The following PHF11 variants were observed in gnomAD, a reference collection of about 807,000 sequenced individuals.
The protein encoded by PHF11 is BRCA1 C-terminus-associated protein.
Under a neutral mutation model 40.5 loss-of-function variants are expected in PHF11, and 38 were observed. The ratio of observed to expected loss-of-function variants is 0.94; its 90% confidence interval spans 0.72 to 1.23. PHF11 has a LOEUF of 1.23. Among genes scored for constraint, PHF11 ranks in the 50% most tolerant of loss-of-function variants. The pLI is 0.00. For synonymous variants in PHF11, 127 were observed against 138.2 expected (o/e 0.92, Z 0.57); for missense variants, 369 against 392.4 (o/e 0.94, Z 0.50).
chr13:49,497,949 A>T (rs1346626019), intron 1 of PHF11, among the ~76,000 whole-genome samples: 1 of 151,486 alleles, frequency 6.6e-6, no homozygotes, highest in Non-Finnish European at 1.5e-5. Flanking sequence ...TCTTCCCTCA[A>T]CCTTGCCTGC....
intron 3 of PHF11, 43 bp downstream of exon 3, chr13:49,513,209 C>T: frequency 1.1e-6 from 1 of 930,628 alleles, no homozygotes; most frequent in Non-Finnish European, 1.7e-6. Context: ...ATGAACAGAC[C>T]CTCAAGGAAT....
intron 3 of PHF11, among the ~76,000 whole-genome samples, chr13:49,515,499 C>T (rs866559718): frequency 3.4e-5 from 4 of 117,628 alleles, no homozygotes; most frequent in Admixed American, 1.8e-4. Flanking sequence ...CACACACACA[C>T]ACACATTCTC....
intron 6 of PHF11, among the ~76,000 whole-genome samples, chr13:49,522,518 T>C (rs1053212318): frequency 6.6e-5 from 10 of 152,080 alleles, no homozygotes; most frequent in Non-Finnish European, 1.5e-5. Flanking sequence ...ATTTCCCAGC[T>C]GCATGACCCA....
At chr13:49,496,533 G>C (rs917099858) in intron 1 of PHF11, 18 of 770,308 alleles carry the variant, frequency 2.3e-5, no homozygotes, top group Non-Finnish European at 2.8e-5. Flanking sequence ...CGTTCACGGA[G>C]GACGTGACTG....
intron 8 of PHF11, 26 bp from the exon 9 acceptor site, chr13:49,526,361 T>C (rs1422917968): frequency 6.7e-7 from 1 of 1,484,868 alleles, no homozygotes; most frequent in Admixed American, 1.7e-5. Flanking sequence ...AACTGTTTAA[T>C]ATTGAAAATG....
intron 7 of PHF11, chr13:49,523,779 C>T (rs372426600): frequency 4.6e-6 from 1 of 217,524 alleles, no homozygotes. Context: ...CACCTGTTCC[C>T]CAAAAGGTAT....
intron 1 of PHF11, among the ~76,000 whole-genome samples, chr13:49,503,310 C>T (rs9562886): frequency 0.036 from 5,475 of 152,240 alleles, 290 homozygotes; most frequent in East Asian, 0.18. Context: ...CTCCTTCCCA[C>T]GAGGAGCACT....
At chr13:49,512,551 T>C (rs983616928) in intron 2 of PHF11, among the ~76,000 whole-genome samples, 1 of 152,212 alleles carries the variant, frequency 6.6e-6, no homozygotes, top group Non-Finnish European at 1.5e-5. Flanking sequence ...AAGTAGCACA[T>C]AGAGACTTGA....
chr13:49,515,765 G>A (rs773789351), intron 3 of PHF11, among the ~76,000 whole-genome samples: 4 of 151,998 alleles, frequency 2.6e-5, no homozygotes, highest in East Asian at 3.9e-4. Flanking sequence ...ACCCCAGCCC[G>A]TAGTTCTCCA....
chr13:49,515,497 C>CACAT (rs1424957109), intron 3 of PHF11, among the ~76,000 whole-genome samples: 3 of 123,466 alleles, frequency 2.4e-5, no homozygotes, highest in Non-Finnish European at 5.2e-5. Flanking sequence ...CACACACACA[C>CACAT]ACACACATTC....
intron 2 of PHF11, 50 bp from the exon 3 acceptor site, chr13:49,513,009 C>T (rs1566191418): frequency 1.1e-6 from 1 of 879,048 alleles, no homozygotes; most frequent in East Asian, 2.6e-5. Flanking sequence ...TGACATGTAG[C>T]TTTCAATATT....
intron 8 of PHF11, among the ~76,000 whole-genome samples, chr13:49,524,528 G>A (rs1368190626): frequency 6.7e-6 from 1 of 150,256 alleles, no homozygotes; most frequent in African/African-American, 2.5e-5. Flanking sequence ...AGGCTAGAGT[G>A]CAGTGGTGCG....
At chr13:49,513,974 C>T (rs1217174636) in intron 3 of PHF11, among the ~76,000 whole-genome samples, 1 of 152,152 alleles carries the variant, frequency 6.6e-6, no homozygotes, top group African/African-American at 2.4e-5. Flanking sequence ...ATGGAATAAG[C>T]CCCCTTCTGA....
chr13:49,522,909 C>T (rs911223108), intron 6 of PHF11, among the ~76,000 whole-genome samples: 4 of 151,938 alleles, frequency 2.6e-5, no homozygotes, highest in Middle Eastern at 3.4e-3. Flanking sequence ...GGATTACAGG[C>T]ATGCACCACC....
intron 1 of PHF11, among the ~76,000 whole-genome samples, chr13:49,500,188 C>T (rs1334351056): frequency 3.3e-5 from 5 of 152,166 alleles, no homozygotes. Context: ...TAAAATTCTG[C>T]AATCTTGTCG....
chr13:49,520,669 C>T (rs1423308513), intron 4 of PHF11, among the ~76,000 whole-genome samples: 1 of 151,994 alleles, frequency 6.6e-6, no homozygotes, highest in Non-Finnish European at 1.5e-5. Context: ...CTTGAAAGAA[C>T]ATAATCATCT....
Position 49,524,225 on chromosome 13 carries a change from G to A in PHF11, c.769+9G>A, listed in dbSNP as rs1174470049. 1.3e-6 allele frequency: 2 copies of A among 1,593,680 alleles called. No homozygotes were observed. Among genetic ancestry groups the A allele is most frequent in the Non-Finnish European group, 1.7e-6 (2 of 1,168,194 alleles). ...GACTACTTCAGAATCAGGTACTGAT[G>A]AAGAGCAATATTTCGAAGTATAGAG... On this transcript the variant is annotated intron_variant, in intron 8 of 9. Coordinates refer to ENST00000378319, the MANE Select transcript of PHF11 (RefSeq NM_001040443.3).
Position 49,522,016 on chromosome 13 carries a change from C to A in PHF11, c.506-27C>A, listed in dbSNP as rs200824729. ...CAGTAATCTTTTCCTTTATGGATTC[C>A]AATTTTTAAATGGTTTATATTTTTA... On this transcript the variant is annotated intron_variant, in intron 5 of 9. Coordinates refer to ENST00000378319, the MANE Select transcript of PHF11 (RefSeq NM_001040443.3). 5 of 1,128,344 alleles carry A rather than the reference C, an allele frequency of 4.4e-6. No homozygotes were observed. In the Admixed American group the frequency reaches 8.9e-5, roughly 20 times the overall value. 69.9% of individuals were successfully genotyped at this position (1,128,344 alleles called of 1,614,324 possible). A position where few individuals can be genotyped will look rare whatever the true frequency, so the allele number is the denominator to read the frequency against.
chr13:49,522,431 T>C (rs1300609048), intron 6 of PHF11, among the ~76,000 whole-genome samples: 2 of 152,194 alleles, frequency 1.3e-5, no homozygotes, highest in Non-Finnish European at 2.9e-5. Flanking sequence ...ACCAAACTAG[T>C]GAGAGCATCT....
Sources: gnomAD v4.1 joint callset for allele counts (sites outside exome capture counted in the v4.1 genomes callset) on GRCh38, gnomAD v4.1.1 for gene constraint, MANE v1.5 for transcripts, NCBI Gene and HGNC (gene_info 2026-07-23, HGNC 2026-07-21) for gene names.